PPFIA2: variants seen among roughly 807,000 people sequenced by gnomAD.
The protein encoded by PPFIA2 is liprin-alpha-2.
A neutral mutation model predicts 175.5 loss-of-function variants in PPFIA2; 46 were observed. The observed-to-expected ratio is 0.26, with a 90% CI of 0.21 to 0.34. The LOEUF is 0.34. Ranked by LOEUF, PPFIA2 falls within the 10% of genes least tolerant of loss-of-function variation. The pLI is 1.00. For missense variants in PPFIA2, 1,179 were observed against 1,506.1 expected (o/e 0.78, Z 3.60); for synonymous variants, 568 against 511.4 (o/e 1.11, Z -1.49).
chr12:81,395,450 C>T (rs1296098554), intron 8 of PPFIA2, among the ~76,000 whole-genome samples: 1 of 151,888 alleles, frequency 6.6e-6, no homozygotes, highest in Non-Finnish European at 1.5e-5. Context: ...AAAACGATTC[C>T]CCCAAATATG....
intron 6 of PPFIA2, among the ~76,000 whole-genome samples, chr12:81,442,584 A>AAT (rs1431970409): frequency 6.6e-6 from 1 of 151,634 alleles, no homozygotes; most frequent in Non-Finnish European, 1.5e-5. Context: ...CATGTTCTCC[A>AAT]ACCCTTGGAA....
intron 4 of PPFIA2, among the ~76,000 whole-genome samples, chr12:81,594,251 A>G (rs2059003220): frequency 6.6e-6 from 1 of 152,148 alleles, no homozygotes; most frequent in African/African-American, 2.4e-5. Context: ...GAAGAGAAGT[A>G]TTTTAAGCAC....
chr12:81,619,632 T>C (rs1362184662), intron 4 of PPFIA2, among the ~76,000 whole-genome samples: 1 of 152,126 alleles, frequency 6.6e-6, no homozygotes, highest in Non-Finnish European at 1.5e-5. Context: ...GAACAATAAA[T>C]TTAAGTAAGA....
chr12:81,569,738 TAATC>T lies in PPFIA2; in HGVS notation c.303+107049_303+107052del, dbSNP rs1341978654. Among the ~76,000 whole-genome samples the T allele has an allele frequency of 7.9e-5, 12 of 152,304 alleles. No individual in the cohort carries two copies. In the East Asian group the frequency reaches 1.9e-3, roughly 24 times the overall value. On this transcript the variant is annotated intron_variant, in intron 4 of 32. Coordinates refer to ENST00000549396, the MANE Select transcript of PPFIA2 (RefSeq NM_003625.5). ...CCAATAGCTTCTACTTACTGGCACT[TAATC>T]AATACAAGGATACTGCAAAGAGCTT...
intron 4 of PPFIA2, among the ~76,000 whole-genome samples, chr12:81,642,041 G>A (rs933484945): frequency 6.6e-6 from 1 of 151,902 alleles, no homozygotes; most frequent in Non-Finnish European, 1.5e-5. Flanking sequence ...GTTATCCAAG[G>A]CTTGCAGTAT....
intron 7 of PPFIA2, among the ~76,000 whole-genome samples, chr12:81,432,806 A>G (rs541947121): frequency 6.6e-6 from 1 of 152,234 alleles, no homozygotes; most frequent in Non-Finnish European, 1.5e-5. Flanking sequence ...TATACCCAGT[A>G]CTTAATGAAA....
chr12:81,306,034 T>C (rs2049056549), intron 22 of PPFIA2, among the ~76,000 whole-genome samples: 1 of 152,154 alleles, frequency 6.6e-6, no homozygotes, highest in Admixed American at 6.5e-5. Context: ...ACTGTCCAAA[T>C]ACCATACAGC....
At chr12:81,595,579 A>C (rs1199155942) in intron 4 of PPFIA2, among the ~76,000 whole-genome samples, 1 of 152,116 alleles carries the variant, frequency 6.6e-6, no homozygotes, top group Non-Finnish European at 1.5e-5. Context: ...CACATAAGGG[A>C]ATTAGCTTAA....
intron 4 of PPFIA2, among the ~76,000 whole-genome samples, chr12:81,547,354 T>C (rs2895885): frequency 0.097 from 14,806 of 152,136 alleles, 1,246 homozygotes; most frequent in African/African-American, 0.23. Context: ...TGTTAACTTA[T>C]TGACTAACTT....
At chr12:81,380,950 G>C (rs1463687918) in intron 9 of PPFIA2, among the ~76,000 whole-genome samples, 1 of 144,724 alleles carries the variant, frequency 6.9e-6, no homozygotes, top group East Asian at 2.1e-4. Context: ...CGTTTATTTA[G>C]CTTTCACAGT....
chr12:81,634,144 T>A (rs1272129791), intron 4 of PPFIA2, among the ~76,000 whole-genome samples: 1 of 152,114 alleles, frequency 6.6e-6, no homozygotes, highest in Non-Finnish European at 1.5e-5. Flanking sequence ...GTCTGTAACA[T>A]TGCAATAGCA....
In PPFIA2 at chr12:81,709,153, C is replaced by A. The variant is rs1268760876; in HGVS notation, c.250-32309G>T. Reference sequence around the variant, plus strand: ...TAGGGCTTCTTTCTGCCCAGCTCTGCAAGCCTATTCCAGCCTTAGAATCCT... The same window carrying A: ...TAGGGCTTCTTTCTGCCCAGCTCTGAAAGCCTATTCCAGCCTTAGAATCCT... On this transcript the variant is annotated intron_variant, in intron 3 of 32. Coordinates refer to ENST00000549396, the MANE Select transcript of PPFIA2 (RefSeq NM_003625.5). Among the ~76,000 whole-genome samples the A allele has an allele frequency of 1.9e-4, 29 of 152,078 alleles. 1 individual carries two copies. Among genetic ancestry groups the A allele is most frequent in the Admixed American group, 1.8e-3 (28 of 15,256 alleles).
chr12:81,739,280 A>C (rs1412715387), intron 3 of PPFIA2, among the ~76,000 whole-genome samples: 1 of 152,086 alleles, frequency 6.6e-6, no homozygotes, highest in Non-Finnish European at 1.5e-5. Context: ...TTTCTATAAA[A>C]GGAATACTAG....
In PPFIA2 at chr12:81,415,191, AAAAAAAAAAAAAAAAAAAAATATATAT is replaced by A. The variant is rs1488562850; in HGVS notation, c.646-9315_646-9289del. Among the ~76,000 whole-genome samples the A allele has an allele frequency of 2.8e-4, 12 of 43,182 alleles. No individual in the cohort carries two copies. The East Asian group carries it at 4.7e-3, about 17-fold the overall frequency. 28.3% of individuals were successfully genotyped at this position (43,182 alleles called of 152,430 possible). On this transcript the variant is annotated intron_variant, in intron 7 of 32. Coordinates refer to ENST00000549396, the MANE Select transcript of PPFIA2 (RefSeq NM_003625.5). ...CTTGGTTCAGGTAAAAAAAAAAAAA[AAAAAAAAAAAAAAAAAAAAATATATAT>A]ATATATATATATATATATATATATA...
rs112423317 is a variant in PPFIA2 at position 81,626,134 on chromosome 12, T to C, written c.303+50657A>G. On this transcript the variant is annotated intron_variant, in intron 4 of 32. Transcript: ENST00000549396. ...CAAGTTATCAATTCATGCTGTTATTTACAAGATTGTAGATTAACTTTACGT... is the reference window on the plus strand; with the variant it reads ...CAAGTTATCAATTCATGCTGTTATTCACAAGATTGTAGATTAACTTTACGT... 2.6e-3 allele frequency among the ~76,000 whole-genome samples: 389 copies of C among 151,818 alleles called. 4 individuals carry two copies. The highest frequency in any genetic ancestry group is 8.6e-3 in the African/African-American group (356 of 41,482).
At chr12:81,600,449 G>A (rs934569946) in intron 4 of PPFIA2, among the ~76,000 whole-genome samples, 8 of 151,590 alleles carry the variant, frequency 5.3e-5, no homozygotes, top group Admixed American at 1.3e-4. Context: ...TGCATAAATC[G>A]CTTATGATTT....
At chr12:81,351,210 A>G (rs774394250) in intron 17 of PPFIA2, among the ~76,000 whole-genome samples, 1 of 152,180 alleles carries the variant, frequency 6.6e-6, no homozygotes, top group African/African-American at 2.4e-5. Flanking sequence ...CATTTTTTTC[A>G]TAACTAGTAT....
chr12:81,299,471 C>A, intron 22 of PPFIA2, 89 bp from the exon 23 acceptor site: 2 of 1,454,476 alleles, frequency 1.4e-6, no homozygotes, highest in South Asian at 2.8e-5. Flanking sequence ...AATAACCAAT[C>A]ATCCTTTACA....
intron 14 of PPFIA2, 66 bp from the exon 15 acceptor site, chr12:81,362,850 C>A: frequency 5.3e-6 from 5 of 946,364 alleles, no homozygotes; most frequent in South Asian, 1.7e-5. Context: ...ATAAATGAGT[C>A]TTAATGATTT....
Sources: gnomAD v4.1 joint callset for allele counts (sites outside exome capture counted in the v4.1 genomes callset) on GRCh38, gnomAD v4.1.1 for gene constraint, MANE v1.5 for transcripts, NCBI Gene and HGNC (gene_info 2026-07-23, HGNC 2026-07-21) for gene names.